MCF2L: variants seen among roughly 807,000 people sequenced by gnomAD.
MCF2L encodes the protein guanine nucleotide exchange factor DBS.
Under a neutral mutation model 153.4 loss-of-function variants are expected in MCF2L, and 97 were observed. The ratio of observed to expected loss-of-function variants is 0.63; its 90% CI spans 0.54 to 0.75. MCF2L has a LOEUF of 0.75. MCF2L is among the 30% of genes least tolerant of loss of function. MCF2L has a pLI of 0.00. For missense variants in MCF2L, 1,347 were observed against 1,495.2 expected, an observed-to-expected ratio of 0.90 and a Z score of 1.64; for synonymous variants, 659 against 632.2, an observed-to-expected ratio of 1.04 and a Z score of -0.64.
chr13:113,049,966 C>G (rs2087102890), intron 4 of MCF2L, among the ~76,000 whole-genome samples: 2 of 152,170 alleles, frequency 1.3e-5, no homozygotes, highest in Admixed American at 1.3e-4. Flanking sequence ...GAGCAAGACC[C>G]ATGTGATGCT....
At chr13:112,903,649 G>A (rs1467672544) in intron 2 of MCF2L, among the ~76,000 whole-genome samples, 1 of 152,188 alleles carries the variant, frequency 6.6e-6, no homozygotes, top group Non-Finnish European at 1.5e-5. Flanking sequence ...ACCCCAGTCA[G>A]GGTATGTGCT....
chr13:113,006,813 G>T (rs1045778223), intron 1 of MCF2L, among the ~76,000 whole-genome samples: 3 of 152,342 alleles, frequency 2.0e-5, no homozygotes, highest in African/African-American at 7.2e-5. Flanking sequence ...AGGAGGCTCG[G>T]CCTGGAGCCT....
In MCF2L at chr13:112,904,127, CGGTTAGGGTTAGGGTTAGA is replaced by C. The variant is rs1309756809; in HGVS notation, c.169+1762_169+1780del. Among the ~76,000 whole-genome samples the C allele has an allele frequency of 3.8e-5, 5 of 132,956 alleles. No individual in the cohort carries two copies. The South Asian group carries it at 7.8e-4, about 21-fold the overall frequency. 87.2% of individuals were successfully genotyped at this position (132,956 alleles called of 152,430 possible). A position where few individuals can be genotyped will look rare whatever the true frequency, so the allele number is the denominator to read the frequency against. On this transcript the variant is annotated intron_variant, in intron 2 of 29. Coordinates refer to the MCF2L transcript ENST00000375608. The surrounding 1 kb of genome is among the most constrained non-coding windows in gnomAD (Gnocchi z 4.2). ...GCTCTGGGGACTGAGGAGCTGGCCG[CGGTTAGGGTTAGGGTTAGA>C]GGTTAAGGTTAGGGTTAGGGGTTGG...
chr13:113,090,936 T>C (rs1205022268), intron 26 of MCF2L: 2 of 1,196,508 alleles, frequency 1.7e-6, no homozygotes, highest in Non-Finnish European at 2.1e-6. Context: ...TCCCGGCCCC[T>C]CCTTCACTGC....
At chr13:113,061,684 TTCCCC>T (rs1304513288) in intron 5 of MCF2L, among the ~76,000 whole-genome samples, 7 of 32,086 alleles carry the variant, frequency 2.2e-4, no homozygotes, top group African/African-American at 8.1e-4. Context: ...TACTGCCCCC[TTCCCC>T]TCCCCTCCCC....
chr13:113,018,764 A>G (rs1190457884), intron 2 of MCF2L, among the ~76,000 whole-genome samples: 1 of 152,242 alleles, frequency 6.6e-6, no homozygotes, highest in Non-Finnish European at 1.5e-5. Context: ...GGTGAAAACC[A>G]CAAAGCTGAA....
At chr13:112,963,333 T>C (rs1443682599) in intron 2 of MCF2L, among the ~76,000 whole-genome samples, 1 of 152,212 alleles carries the variant, frequency 6.6e-6, no homozygotes, top group Non-Finnish European at 1.5e-5. Flanking sequence ...CTGACCGTGC[T>C]CCTTCTGGCC....
Position 113,098,066 on chromosome 13 carries a change from T to C in MCF2L, c.*1207T>C, listed in dbSNP as rs1429867453. On this transcript the variant is annotated 3_prime_UTR_variant, in exon 30 of 30. Transcript: ENST00000535094. ...TGTCTAGTCTGCAGATGTTTTTGTATGTGTGCACCTCTGACCATGTGTGTA... is the reference window on the plus strand; with the variant it reads ...TGTCTAGTCTGCAGATGTTTTTGTACGTGTGCACCTCTGACCATGTGTGTA... The C allele has an allele frequency of 2.6e-5, 4 of 152,420 alleles. No individual in the cohort carries two copies. The highest frequency in any genetic ancestry group is 5.9e-5 in the Non-Finnish European group (4 of 68,048). The allele number at this position is 152,420 out of a possible 1,614,324, so 9.4% of individuals were successfully genotyped here. A position where few individuals can be genotyped will look rare whatever the true frequency, so the allele number is the denominator to read the frequency against.
chr13:112,905,263 C>T (rs573928228), intron 2 of MCF2L, among the ~76,000 whole-genome samples: 1 of 152,350 alleles, frequency 6.6e-6, no homozygotes, highest in African/African-American at 2.4e-5. Flanking sequence ...GTCCCTGCTA[C>T]TGTGTCCAGT....
intron 26 of MCF2L, chr13:113,091,267 G>A: frequency 6.4e-6 from 8 of 1,244,952 alleles, no homozygotes; most frequent in Non-Finnish European, 8.5e-6. Context: ...GCTGTCAGGT[G>A]GCCGTCAAGG....
chr13:113,022,548 C>T (rs1407936027), intron 2 of MCF2L, among the ~76,000 whole-genome samples: 1 of 152,242 alleles, frequency 6.6e-6, no homozygotes, highest in African/African-American at 2.4e-5. Flanking sequence ...TGAACGTTCC[C>T]CCCAGGCCCC....
intron 2 of MCF2L, among the ~76,000 whole-genome samples, chr13:112,950,890 A>G (rs1050312648): frequency 2.0e-5 from 3 of 152,256 alleles, no homozygotes; most frequent in African/African-American, 7.2e-5. Context: ...ATTCGACCTT[A>G]CCAGCATTGA....
At chr13:113,026,431 C>G (rs1031767304) in intron 3 of MCF2L, among the ~76,000 whole-genome samples, 4 of 152,226 alleles carry the variant, frequency 2.6e-5, no homozygotes, top group Admixed American at 2.0e-4. Flanking sequence ...GGGTCCGAAT[C>G]CAGCTTTTTC....
At chr13:112,938,837 G>A (rs1024224595) in intron 2 of MCF2L, among the ~76,000 whole-genome samples, 15 of 151,882 alleles carry the variant, frequency 9.9e-5, no homozygotes, top group Non-Finnish European at 1.5e-4. Context: ...GAGAGCTGGG[G>A]CAACTTGGAG....
At chr13:113,071,232 G>T (rs999591626) in intron 9 of MCF2L, among the ~76,000 whole-genome samples, 1 of 152,090 alleles carries the variant, frequency 6.6e-6, no homozygotes, top group South Asian at 2.1e-4. Flanking sequence ...TTTCTAACTG[G>T]ATTGTTTGGT....
chr13:113,082,040 AGGT>A lies in MCF2L; in HGVS notation c.1876-380_1876-378del, dbSNP rs1261834380. On this transcript the variant is annotated intron_variant, in intron 16 of 29. Transcript: ENST00000535094. Reference sequence around the variant, plus strand: ...CTGAGTGTAGACAGCGAGTGTGCACAGGTGGTGGTCACCCAAATGTAGACGGGT... The same window carrying A: ...CTGAGTGTAGACAGCGAGTGTGCACAGGTGGTCACCCAAATGTAGACGGGT... 3.9e-5 allele frequency among the ~76,000 whole-genome samples: 6 copies of A among 152,134 alleles called. No individual in the cohort carries two copies. The South Asian group carries it at 6.3e-4, about 16-fold the overall frequency.
intron 1 of MCF2L, among the ~76,000 whole-genome samples, chr13:113,012,305 T>A (rs1594645326): frequency 9.5e-6 from 1 of 105,522 alleles, no homozygotes; most frequent in Non-Finnish European, 2.1e-5. Flanking sequence ...CACTGCAGTG[T>A]GGATGGTGGA....
intron 1 of MCF2L, among the ~76,000 whole-genome samples, chr13:113,004,167 A>G (rs2083543933): frequency 6.6e-6 from 1 of 152,142 alleles, no homozygotes; most frequent in Non-Finnish European, 1.5e-5. Context: ...TGGCTCTGGC[A>G]TGACCCTCCG....
At position 113,064,221 on chromosome 13, in the gene MCF2L, G is replaced by C; in HGVS notation, c.490-83G>C. On this transcript the variant is annotated intron_variant, in intron 5 of 29. Coordinates refer to ENST00000535094, the MANE Select transcript of MCF2L (RefSeq NM_001112732.3). The surrounding 1 kb of genome is among the most constrained non-coding windows in gnomAD (Gnocchi z 6.0). ...AGGCAGACGTGGTCCTCTCTGTGCT[G>C]CTGGGTGTTCTGCTGATGGGGCAGC... 3 of 1,017,024 alleles carry C rather than the reference G, an allele frequency of 2.9e-6. No homozygotes were observed. In the Admixed American group the frequency reaches 5.1e-5, roughly 17 times the overall value. The allele number at this position is 1,017,024 out of a possible 1,614,324, so 63.0% of individuals were successfully genotyped here.
Sources: gnomAD v4.1 joint callset for allele counts (sites outside exome capture counted in the v4.1 genomes callset) on GRCh38, gnomAD v4.1.1 for gene constraint, Gnocchi (gnomAD v3.1) non-coding constraint, MANE v1.5 for transcripts, NCBI Gene and HGNC (gene_info 2026-07-23, HGNC 2026-07-21) for gene names.